The following GMDS variants were observed in gnomAD, a reference collection of about 807,000 sequenced individuals.
GMDS encodes GDP-mannose 4,6-dehydratase, also known as GDP-mannose 4,6 dehydratase.
A neutral mutation model predicts 49.9 loss-of-function variants in GMDS; 20 were observed. That is an observed-to-expected ratio of 0.40 (90% CI 0.28 to 0.58). GMDS has a LOEUF of 0.58. Ranked by LOEUF, GMDS falls within the 20% of genes least tolerant of loss-of-function variation. The pLI, the probability that GMDS is intolerant of heterozygous loss-of-function variation, is 0.42. For missense variants in GMDS, 362 were observed against 481.4 expected (o/e 0.75, Z 2.32); for synonymous variants, 177 against 178.6 (o/e 0.99, Z 0.07).
intron 6 of GMDS, among the ~76,000 whole-genome samples, chr6:1,935,560 T>G (rs1428446939): frequency 6.6e-6 from 1 of 152,190 alleles, no homozygotes; most frequent in Non-Finnish European, 1.5e-5. Context: ...TTCTCTGATT[T>G]TGAAAGTCTG....
intron 7 of GMDS, among the ~76,000 whole-genome samples, chr6:1,858,492 C>G (rs1332659721): frequency 1.3e-5 from 2 of 152,104 alleles, no homozygotes; most frequent in African/African-American, 2.4e-5. Context: ...CACTAGATTT[C>G]CATTTCATTT....
intron 4 of GMDS, among the ~76,000 whole-genome samples, chr6:1,987,195 T>G (rs576491781): frequency 2.0e-5 from 3 of 152,298 alleles, no homozygotes; most frequent in South Asian, 4.1e-4. Flanking sequence ...TGTAAAAAGA[T>G]AGCCCATTCA....
At chr6:2,068,206 A>T (rs564046301) in intron 4 of GMDS, among the ~76,000 whole-genome samples, 79 of 152,302 alleles carry the variant, frequency 5.2e-4, no homozygotes, top group Middle Eastern at 6.8e-3. Flanking sequence ...CCTTTGACAA[A>T]ACTCAACAAC....
chr6:2,223,024 G>A (rs944497038), intron 1 of GMDS, among the ~76,000 whole-genome samples: 4 of 152,018 alleles, frequency 2.6e-5, no homozygotes, highest in African/African-American at 9.7e-5. Flanking sequence ...ACTCTTTCCT[G>A]TGTCTCTAGC....
chr6:1,707,552 C>A (rs898084086), intron 9 of GMDS, among the ~76,000 whole-genome samples: 1 of 151,318 alleles, frequency 6.6e-6, no homozygotes, highest in Admixed American at 6.6e-5. Context: ...TCCCAGGCAG[C>A]CTGGCATGGC....
intron 1 of GMDS, among the ~76,000 whole-genome samples, chr6:2,244,386 C>A (rs1781760703): frequency 6.6e-6 from 1 of 152,126 alleles, no homozygotes; most frequent in Non-Finnish European, 1.5e-5. Context: ...TATGTATTAG[C>A]CATTATCACC....
At chr6:1,865,350 T>C (rs953319082) in intron 7 of GMDS, among the ~76,000 whole-genome samples, 19 of 152,214 alleles carry the variant, frequency 1.2e-4, no homozygotes, top group Non-Finnish European at 1.5e-5. Flanking sequence ...GAATTGAGTT[T>C]GTGTATTTCA....
intron 3 of GMDS, 101 bp downstream of exon 3, chr6:2,117,368 T>C (rs558822379): frequency 1.3e-6 from 1 of 751,876 alleles, no homozygotes; most frequent in East Asian, 2.5e-5. Flanking sequence ...TGTGACTTGT[T>C]GGGCTTTGAC....
At chr6:2,199,250 A>C (rs1345870030) in intron 1 of GMDS, among the ~76,000 whole-genome samples, 1 of 152,226 alleles carries the variant, frequency 6.6e-6, no homozygotes, top group Non-Finnish European at 1.5e-5. Flanking sequence ...CCATTTAATG[A>C]AAATATTTAG....
intron 9 of GMDS, among the ~76,000 whole-genome samples, chr6:1,659,362 C>T (rs1763992745): frequency 6.6e-6 from 1 of 152,072 alleles, no homozygotes; most frequent in Non-Finnish European, 1.5e-5. Context: ...CCAATGAGGT[C>T]CCATGGGGAC....
chr6:1,673,461 T>C (rs1294330886), intron 9 of GMDS, among the ~76,000 whole-genome samples: 3 of 152,068 alleles, frequency 2.0e-5, no homozygotes, highest in Non-Finnish European at 4.4e-5. Context: ...TCACAGGACC[T>C]TTCCTCCACC....
chr6:2,174,372 CATTTCATCTTTTTTAATGGGTGA>C (rs1284333235), intron 1 of GMDS, among the ~76,000 whole-genome samples: 4 of 152,160 alleles, frequency 2.6e-5, no homozygotes, highest in African/African-American at 9.7e-5. Flanking sequence ...TAAATTCACC[CATTTCATCTTTTTTAATGGGTGA>C]ATTTCATCTT....
At chr6:2,225,070 A>T (rs566716744) in intron 1 of GMDS, among the ~76,000 whole-genome samples, 1 of 152,196 alleles carries the variant, frequency 6.6e-6, no homozygotes, top group Admixed American at 6.5e-5. Context: ...CTGTAACCTC[A>T]GCACTTTGGG....
intron 7 of GMDS, among the ~76,000 whole-genome samples, chr6:1,859,440 A>G (rs1453231953): frequency 6.6e-6 from 1 of 152,246 alleles, no homozygotes; most frequent in Non-Finnish European, 1.5e-5. Context: ...AATTTGGCAT[A>G]AAACTGCAAC....
At chr6:2,025,018 C>A (rs1325047074) in intron 4 of GMDS, among the ~76,000 whole-genome samples, 1 of 151,608 alleles carries the variant, frequency 6.6e-6, no homozygotes, top group East Asian at 1.9e-4. Flanking sequence ...AAGTATCCAC[C>A]AAAAGGATAT....
intron 7 of GMDS, among the ~76,000 whole-genome samples, chr6:1,761,670 T>C (rs1338514745): frequency 6.6e-6 from 1 of 152,236 alleles, no homozygotes; most frequent in East Asian, 1.9e-4. Context: ...CTTGTGTCAA[T>C]GAGTGTCAAA....
chr6:1,636,972 T>C (rs1417369266), intron 9 of GMDS, among the ~76,000 whole-genome samples: 1 of 152,222 alleles, frequency 6.6e-6, no homozygotes, highest in African/African-American at 2.4e-5. Context: ...AGCTACTGCT[T>C]GCCATTCTGC....
At chr6:2,065,305 A>C (rs1289159544) in intron 4 of GMDS, among the ~76,000 whole-genome samples, 1 of 152,204 alleles carries the variant, frequency 6.6e-6, no homozygotes, top group East Asian at 1.9e-4. Flanking sequence ...AAAGTAGATA[A>C]AACCACAAAG....
chr6:2,012,670 C>T (rs1488961280), intron 4 of GMDS, among the ~76,000 whole-genome samples: 4 of 151,794 alleles, frequency 2.6e-5, no homozygotes, highest in African/African-American at 9.7e-5. Context: ...TAGAGAATGG[C>T]GGTTGAGATT....
Sources: gnomAD v4.1 joint callset for allele counts (sites outside exome capture counted in the v4.1 genomes callset) on GRCh38, gnomAD v4.1.1 for gene constraint, MANE v1.5 for transcripts, NCBI Gene and HGNC (gene_info 2026-07-23, HGNC 2026-07-21) for gene names.